SPOCD1: variants seen among roughly 807,000 people sequenced by gnomAD.
The protein encoded by SPOCD1 is SPOC domain-containing protein 1.
Under a neutral mutation model 92.2 loss-of-function variants are expected in SPOCD1, and 64 were observed. The observed-to-expected ratio is 0.69, with a 90% CI of 0.57 to 0.86. SPOCD1 has a LOEUF of 0.86. Among genes scored for constraint, SPOCD1 ranks in the 40% least tolerant of loss-of-function variants. The pLI is 0.00. For missense variants in SPOCD1, 1,360 were observed against 1,543.1 expected, an observed-to-expected ratio of 0.88 and a Z score of 1.99; for synonymous variants, 578 against 619.3, an observed-to-expected ratio of 0.93 and a Z score of 0.99.
intron 10 of SPOCD1, chr1:31,795,182 T>C (rs1325215609): frequency 6.6e-6 from 1 of 152,236 alleles, no homozygotes; most frequent in Non-Finnish European, 1.5e-5. Context: ...ATCACTTTTT[T>C]TCCTCATACT....
chr1:31,793,418 A>T lies in SPOCD1; in HGVS notation c.2545T>A (p.Ser849Thr). 2 of 1,590,680 alleles carry T rather than the reference A, an allele frequency of 1.3e-6. No individual in the cohort carries two copies. Among genetic ancestry groups the T allele is most frequent in the Non-Finnish European group, 1.7e-6 (2 of 1,168,494 alleles). Residue 849 changes from serine (S) to threonine (T), a missense_variant, in exon 13 of 16, where the codon TCT (serine) becomes ACT (threonine). Ser to Thr is a moderately conservative substitution (Grantham distance 58). This residue lies in a region of SPOCD1 where 614 missense variants were observed against 757.8 expected (regional missense o/e 0.81). Coordinates refer to ENST00000360482, the MANE Select transcript of SPOCD1 (RefSeq NM_144569.7). The part of the protein sequence containing the change: ...PTEPQDRVPP[S>T]GLHVPAAPTK... Reference sequence around the variant, plus strand: ...GGTGCAGCAGGCACATGGAGCCCAGATGGAGGGACCCTAGAGGGAGGGACA... The same window carrying T: ...GGTGCAGCAGGCACATGGAGCCCAGTTGGAGGGACCCTAGAGGGAGGGACA...
intron 2 of SPOCD1, among the ~76,000 whole-genome samples, chr1:31,805,067 C>T (rs1648730185): frequency 6.7e-6 from 1 of 148,174 alleles, no homozygotes; most frequent in Admixed American, 6.9e-5. Flanking sequence ...CTGCAACCTC[C>T]ACTTCCCGGG....
chr1:31,801,698 A>G lies in SPOCD1; in HGVS notation c.1391T>C (p.Val464Ala). 6.2e-7 allele frequency: 1 copy of G among 1,613,788 alleles called. No individual in the cohort carries two copies. The change falls in exon 3 of 16, where the codon GTG becomes GCG. Residue 464 changes from valine (V) to alanine (A), a missense_variant. Around this residue, in one of 3 missense-constraint regions of SPOCD1, gnomAD observed 606 missense variants for 601.5 expected, o/e 1.01. Coordinates refer to ENST00000360482, the MANE Select transcript of SPOCD1 (RefSeq NM_144569.7). The part of the protein sequence containing the change: ...SPGGCPRLEE[V>A]KIPHGVKLVC... ...AAGCTTCACTCCATGGGGTATTTTC[A>G]CTTCCTCCTTGGAGAGAAAGAGGAT...
chr1:31,797,573 C>T (rs901758493), intron 9 of SPOCD1, among the ~76,000 whole-genome samples: 3 of 152,248 alleles, frequency 2.0e-5, no homozygotes, highest in Non-Finnish European at 4.4e-5. Flanking sequence ...GTTATTCATT[C>T]TAATCAGTTC....
At chr1:31,805,465 C>T (rs1648761164) in intron 2 of SPOCD1, among the ~76,000 whole-genome samples, 2 of 152,160 alleles carry the variant, frequency 1.3e-5, no homozygotes, top group African/African-American at 4.8e-5. Flanking sequence ...GTGGCTCACA[C>T]CTGTAATCCC....
chr1:31,813,620 T>C (rs766595760), intron 2 of SPOCD1, among the ~76,000 whole-genome samples: 79 of 152,168 alleles, frequency 5.2e-4, no homozygotes, highest in Non-Finnish European at 1.0e-3. Context: ...CCCATGAAGC[T>C]GCAATTAGTA....
rs1647834691 is a variant in SPOCD1 at position 31,794,243 on chromosome 1, G to A, written c.2272-8C>T. The A allele has an allele frequency of 1.2e-6, 2 of 1,605,094 alleles. No individual in the cohort carries two copies. The highest frequency in any genetic ancestry group is 1.7e-5 in the Admixed American group (1 of 59,692). On this transcript the variant is annotated splice_region_variant and splice_polypyrimidine_tract_variant and intron_variant, in intron 10 of 15. Transcript: ENST00000360482. ...CATGAACATCTGCGGTCCCTGGGAG[G>A]CAGAAGACAGAGGGGCAGGCTGAAA...
At chr1:31,805,428 C>T (rs889906591) in intron 2 of SPOCD1, among the ~76,000 whole-genome samples, 3 of 152,118 alleles carry the variant, frequency 2.0e-5, no homozygotes, top group East Asian at 1.9e-4. Flanking sequence ...GCAAAACATA[C>T]GCAAAGCACA....
intron 2 of SPOCD1, among the ~76,000 whole-genome samples, chr1:31,803,465 C>T (rs1460388839): frequency 3.3e-5 from 5 of 151,802 alleles, no homozygotes. Flanking sequence ...CTAAGAGACA[C>T]ATCACGCCTG....
chr1:31,804,894 A>G (rs1648712054), intron 2 of SPOCD1, among the ~76,000 whole-genome samples: 1 of 151,856 alleles, frequency 6.6e-6, no homozygotes, highest in Admixed American at 6.6e-5. Context: ...AGATCCCTAT[A>G]TCATTTTGGA....
intron 1 of SPOCD1, 53 bp from the exon 2 acceptor site, chr1:31,815,425 C>T (rs144250283): frequency 1.9e-4 from 258 of 1,327,984 alleles, no homozygotes; most frequent in African/African-American, 1.6e-3. Context: ...GACCTGTCAG[C>T]CCGTTCAGTG....
At chr1:31,800,190 A>ACT in intron 4 of SPOCD1, 49 bp from the exon 5 acceptor site, 1 of 1,537,774 alleles carries the variant, frequency 6.5e-7, no homozygotes, top group Non-Finnish European at 8.7e-7. Flanking sequence ...GAGGCCAGGG[A>ACT]CTGTTCCCTC....
chr1:31,815,843 C>T (rs1251592563), intron 1 of SPOCD1, 118 bp downstream of exon 1: 1 of 152,682 alleles, frequency 6.5e-6, no homozygotes, highest in East Asian at 1.9e-4. Flanking sequence ...CATAACCCTT[C>T]TCGTCTCTCT....
intron 2 of SPOCD1, among the ~76,000 whole-genome samples, chr1:31,808,465 A>C (rs971367031): frequency 4.0e-5 from 6 of 150,574 alleles, no homozygotes; most frequent in African/African-American, 1.5e-4. Flanking sequence ...TAATTATAAT[A>C]ATTGTAAATA....
Position 31,800,014 on chromosome 1 carries a change from G to A in SPOCD1, c.1728+2C>T. The A allele has an allele frequency of 6.2e-7, 1 of 1,611,944 alleles. No individual in the cohort carries two copies. The highest frequency in any genetic ancestry group is 2.2e-5 in the East Asian group (1 of 44,850). On this transcript the variant is annotated splice_donor_variant, in intron 5 of 15. Transcript: ENST00000360482. LOFTEE classifies it low-confidence loss of function (GC_TO_GT_DONOR). ...GCACATGGCCGGGGCAGAACAACTT[G>A]CCTGGGAACATGCAGGGTCCGAGCT...
Position 31,792,291 on chromosome 1 carries a change from C to CCACA in SPOCD1, c.2885_2886insTGTG (p.Glu962AspfsTer82). On this transcript the variant is annotated frameshift_variant, in exon 15 of 16. Transcript: ENST00000360482. LOFTEE classifies it high-confidence loss of function. ...GGGGCAGCAGGACCATCCCCATGTGCTCCACAGAGGCCAGCCCGTGGCGCT... is the reference window on the plus strand; with the variant it reads ...GGGGCAGCAGGACCATCCCCATGTGCCACATCCACAGAGGCCAGCCCGTGGCGCT... The CCACA allele has an allele frequency of 6.2e-7, 1 of 1,613,786 alleles. No individual in the cohort carries two copies. Among genetic ancestry groups the CCACA allele is most frequent in the Non-Finnish European group, 8.5e-7 (1 of 1,179,920 alleles).
Position 31,802,797 on chromosome 1 carries a change from G to C in SPOCD1, c.1384-1092C>G, listed in dbSNP as rs541874850. 3.6e-4 allele frequency among the ~76,000 whole-genome samples: 54 copies of C among 152,054 alleles called. 1 individual carries two copies. The highest frequency in any genetic ancestry group is 1.3e-3 in the African/African-American group (52 of 41,456). On this transcript the variant is annotated intron_variant, in intron 2 of 15. Coordinates refer to ENST00000360482, the MANE Select transcript of SPOCD1 (RefSeq NM_144569.7). ...CAATACGTGTGGTGTGCTACCATTCGCGTTACAGACAGAACGAATTTTAAA... is the reference window on the plus strand; with the variant it reads ...CAATACGTGTGGTGTGCTACCATTCCCGTTACAGACAGAACGAATTTTAAA...
At chr1:31,799,234 A>G (rs1196965447) in intron 7 of SPOCD1, among the ~76,000 whole-genome samples, 167 bp downstream of exon 7, 1 of 152,196 alleles carries the variant, frequency 6.6e-6, no homozygotes, top group Admixed American at 6.5e-5. Context: ...ACCCAGCTTC[A>G]AATTTCAGCT....
Position 31,795,727 on chromosome 1 carries a change from G to T in SPOCD1, c.2271+863C>A, listed in dbSNP as rs574810411. 2.6e-5 allele frequency: 4 copies of T among 152,332 alleles called. No individual in the cohort carries two copies. In the South Asian group the frequency reaches 8.3e-4, roughly 32 times the overall value. 9.4% of individuals were successfully genotyped at this position (152,332 alleles called of 1,614,324 possible). ...GGAGCAGGGATTTCTGTCGTTCACT[G>T]TCACTTCCCCAGTGCCTAGAACCGT... On this transcript the variant is annotated intron_variant, in intron 10 of 15. Coordinates refer to ENST00000360482, the MANE Select transcript of SPOCD1 (RefSeq NM_144569.7).
Sources: gnomAD v4.1 joint callset for allele counts (sites outside exome capture counted in the v4.1 genomes callset) on GRCh38, gnomAD v4.1.1 for gene constraint, gnomAD v4.1.1 regional missense constraint, MANE v1.5 for transcripts, NCBI Gene and HGNC (gene_info 2026-07-23, HGNC 2026-07-21) for gene names.